The following PCDHGB2 variants were observed in gnomAD, a reference collection of about 807,000 sequenced individuals.
PCDHGB2 encodes protocadherin gamma-B2.
Under a neutral mutation model 59.3 loss-of-function variants are expected in PCDHGB2, and 55 were observed. The observed-to-expected ratio is 0.93, with a 90% CI of 0.75 to 1.16. The LOEUF (loss-of-function observed/expected upper bound fraction) is 1.16, where lower values mean the gene tolerates loss of function less well. Ranked by LOEUF, PCDHGB2 falls within the 50% of genes most tolerant of loss-of-function variation. The probability of loss-of-function intolerance (pLI) is 0.00; values close to 1 mark genes in which losing one functional copy is unlikely to be tolerated. For missense variants in PCDHGB2, 1,228 were observed against 1,198.5 expected (o/e 1.02, Z -0.36); for synonymous variants, 516 against 512.0 (o/e 1.01, Z -0.11).
chr5:141,422,685 C>G lies in PCDHGB2; in HGVS notation c.2421+60129C>G, dbSNP rs754112462. The G allele has an allele frequency of 2.5e-6, 4 of 1,605,144 alleles. No individual in the cohort carries two copies. The South Asian group carries it at 4.5e-5, about 18-fold the overall frequency. On this transcript the variant is annotated intron_variant, in intron 1 of 3. Coordinates refer to ENST00000522605, the MANE Select transcript of PCDHGB2 (RefSeq NM_018923.3). ...TCGACCCGGACAGCAAACAGAATGCCCTGGTCACTTACTCTCTGACGGATG... is the reference window on the plus strand; with the variant it reads ...TCGACCCGGACAGCAAACAGAATGCGCTGGTCACTTACTCTCTGACGGATG...
At chr5:141,510,674 GGCAT>G (rs1388331907) in intron 3 of PCDHGB2, among the ~76,000 whole-genome samples, 6 of 152,132 alleles carry the variant, frequency 3.9e-5, no homozygotes, top group Non-Finnish European at 8.8e-5. Flanking sequence ...AAACTGAAGT[GGCAT>G]AAGGAGGTTA....
intron 1 of PCDHGB2, chr5:141,408,651 C>T (rs373860648): frequency 6.2e-7 from 1 of 1,614,012 alleles, no homozygotes; most frequent in Non-Finnish European, 8.5e-7. Flanking sequence ...TCCGCTGGTA[C>T]ACGACTATCG....
chr5:141,364,772 G>T (rs764374918), intron 1 of PCDHGB2: 17 of 1,613,860 alleles, frequency 1.1e-5, no homozygotes, highest in African/African-American at 2.7e-5. Context: ...AAATGCGGCT[G>T]CAGGGACACG....
At chr5:141,395,186 G>C in intron 1 of PCDHGB2, 1 of 1,614,086 alleles carries the variant, frequency 6.2e-7, no homozygotes, top group Non-Finnish European at 8.5e-7. Context: ...ATGATTCTTT[G>C]TTAACATCCG....
chr5:141,431,932 CT>C lies in PCDHGB2; in HGVS notation c.2422-62872del, dbSNP rs748715936. ...TCTGTTTCATCCAAGGAAATCTGCC[CT>C]TTAAATTAGAAAAATCTTACGGAAA... On this transcript the variant is annotated intron_variant, in intron 1 of 3. Transcript: ENST00000522605. The surrounding 1 kb of genome is among the most constrained non-coding windows in gnomAD (Gnocchi z 4.8). The C allele has an allele frequency of 6.2e-7, 1 of 1,614,172 alleles. No individual in the cohort carries two copies. Among genetic ancestry groups the C allele is most frequent in the Non-Finnish European group, 8.5e-7 (1 of 1,180,002 alleles).
intron 1 of PCDHGB2, among the ~76,000 whole-genome samples, chr5:141,438,598 AT>A (rs1433028092): frequency 6.7e-5 from 2 of 29,776 alleles, no homozygotes; most frequent in Non-Finnish European, 1.4e-4. Context: ...ATACATATAT[AT>A]ATATATATAT....
chr5:141,422,575 C>G, intron 1 of PCDHGB2: 1 of 1,613,976 alleles, frequency 6.2e-7, no homozygotes, highest in Non-Finnish European at 8.5e-7. Flanking sequence ...CAACGATAAC[C>G]CTCCCGTTTT....
intron 1 of PCDHGB2, chr5:141,394,604 C>G: frequency 6.2e-7 from 1 of 1,613,590 alleles, no homozygotes. Context: ...TGGACAGAGA[C>G]TCGGGCCAGA....
chr5:141,361,957 G>A lies in PCDHGB2; in HGVS notation c.1822G>A (p.Val608Met), dbSNP rs976081209. The change falls in exon 1 of 4, where the codon GTG becomes ATG. Residue 608 changes from valine to methionine, a missense_variant. Val to Met is a conservative substitution (Grantham distance 21, BLOSUM62 1). This residue lies in a region of PCDHGB2 where 433 missense variants were observed against 441.8 expected (regional missense o/e 0.98). Transcript: ENST00000522605. ...SGHNAWLSYH[V>M]LQASEPGLFS... The stretch of plus-strand genomic sequence containing the variant: ...ACACAACGCTTGGCTGTCCTACCAC[G>A]TGCTGCAGGCCAGCGAGCCCGGGCT... 15 of 1,603,004 alleles carry A rather than the reference G, an allele frequency of 9.4e-6. No homozygotes were observed. In the Admixed American group the frequency reaches 2.0e-4, roughly 22 times the overall value.
chr5:141,445,433 C>A (rs2098466883), intron 1 of PCDHGB2, among the ~76,000 whole-genome samples: 1 of 152,136 alleles, frequency 6.6e-6, no homozygotes, highest in Non-Finnish European at 1.5e-5. Flanking sequence ...AAGGCACTGA[C>A]CTATGGACTA....
rs755457564 is a variant in PCDHGB2, at chr5:141,394,423, G to A, written c.2421+31867G>A. The stretch of plus-strand genomic sequence containing the variant: ...CAGCTACTGGTAACAGCCAGCGACA[G>A]CGGGGACCCGCCCCTCAGCAGCAAC... On this transcript the variant is annotated intron_variant, in intron 1 of 3. Coordinates refer to ENST00000522605, the MANE Select transcript of PCDHGB2 (RefSeq NM_018923.3). 2.5e-6 allele frequency: 4 copies of A among 1,614,248 alleles called. No homozygotes were observed. The Admixed American group carries it at 6.7e-5, about 27-fold the overall frequency.
chr5:141,366,382 T>C (rs1447635844), intron 1 of PCDHGB2: 2 of 1,614,012 alleles, frequency 1.2e-6, no homozygotes, highest in East Asian at 2.2e-5. Flanking sequence ...CCATTGACCC[T>C]GAGGATCTGG....
chr5:141,421,433 C>T, intron 1 of PCDHGB2: 1 of 1,614,074 alleles, frequency 6.2e-7, no homozygotes, highest in African/African-American at 1.3e-5. Flanking sequence ...CGCATCGTCT[C>T]CAGAGGGAAG....
intron 1 of PCDHGB2, among the ~76,000 whole-genome samples, chr5:141,379,925 A>T (rs1776079128): frequency 2.1e-5 from 1 of 48,106 alleles, no homozygotes; most frequent in East Asian, 5.2e-4. Context: ...TTTTTGTCAG[A>T]GTCTTGCTCT....
chr5:141,504,645 T>C (rs1481469819), intron 2 of PCDHGB2, among the ~76,000 whole-genome samples: 2 of 112,538 alleles, frequency 1.8e-5, no homozygotes, highest in Non-Finnish European at 3.4e-5. Context: ...GGTTTGATGA[T>C]AGAGTGTTTG....
intron 1 of PCDHGB2, chr5:141,375,406 T>A: frequency 6.2e-7 from 1 of 1,613,968 alleles, no homozygotes; most frequent in Admixed American, 1.7e-5. Flanking sequence ...TCTCTCTAAA[T>A]GTGGCAGACA....
chr5:141,463,438 CTTTTTTTTTT>C (rs71576115), intron 1 of PCDHGB2, among the ~76,000 whole-genome samples: 6 of 103,254 alleles, frequency 5.8e-5, no homozygotes, highest in Non-Finnish European at 9.4e-5. Flanking sequence ...TTTCCTTCTC[CTTTTTTTTTT>C]TTTTTTTTTT....
At chr5:141,392,891 C>T in intron 1 of PCDHGB2, 1 of 1,613,594 alleles carries the variant, frequency 6.2e-7, no homozygotes. Flanking sequence ...TGTGGGAAAT[C>T]GGGAGGGGAC....
intron 3 of PCDHGB2, among the ~76,000 whole-genome samples, chr5:141,510,272 T>TA (rs546154379): frequency 0.17 from 22,022 of 130,294 alleles, 2,255 homozygotes; most frequent in African/African-American, 0.28. Flanking sequence ...GACTCCATCT[T>TA]AAAAAAAAAA....
Sources: gnomAD v4.1 joint callset for allele counts (sites outside exome capture counted in the v4.1 genomes callset) on GRCh38, gnomAD v4.1.1 for gene constraint, gnomAD v4.1.1 regional missense constraint, Gnocchi (gnomAD v3.1) non-coding constraint, MANE v1.5 for transcripts, NCBI Gene and HGNC (gene_info 2026-07-23, HGNC 2026-07-21) for gene names.